IFNLR1: variants seen among roughly 807,000 people sequenced by gnomAD.
IFNLR1 encodes interferon lambda receptor 1.
IFNLR1 carries 28 observed loss-of-function variants against 52.5 expected under a neutral mutation model. The ratio of observed to expected loss-of-function variants is 0.53; its 90% CI spans 0.40 to 0.73. The LOEUF (loss-of-function observed/expected upper bound fraction) is 0.73. Ranked by LOEUF, IFNLR1 falls within the 30% of genes least tolerant of loss-of-function variation. The pLI, the probability that IFNLR1 is intolerant of heterozygous loss-of-function variation, is 0.00. For synonymous variants in IFNLR1, 276 were observed against 274.9 expected, an observed-to-expected ratio of 1.00 and a Z score of -0.04; for missense variants, 623 against 659.1, an observed-to-expected ratio of 0.95 and a Z score of 0.60.
At chr1:24,161,992 C>T (rs562397495) in intron 3 of IFNLR1, among the ~76,000 whole-genome samples, 1 of 152,336 alleles carries the variant, frequency 6.6e-6, no homozygotes, top group South Asian at 2.1e-4. Context: ...TGTCACTGGC[C>T]TGGCAGATCC....
chr1:24,161,531 G>C lies in IFNLR1; in HGVS notation c.510+11C>G. 1 of 1,554,528 alleles carries C rather than the reference G, an allele frequency of 6.4e-7. No individual in the cohort carries two copies. Among genetic ancestry groups the C allele is most frequent in the South Asian group, 1.2e-5 (1 of 84,264 alleles). On this transcript the variant is annotated intron_variant, in intron 4 of 6. Transcript: ENST00000327535. Reference sequence around the variant, plus strand: ...CGGGCCTAGCCTGGGGGCAGGAAAGGAGCTTCCCACCTTGTTTCCGGCCCC... The same window carrying C: ...CGGGCCTAGCCTGGGGGCAGGAAAGCAGCTTCCCACCTTGTTTCCGGCCCC...
intron 3 of IFNLR1, among the ~76,000 whole-genome samples, chr1:24,167,796 G>T (rs1224188074): frequency 6.6e-6 from 1 of 152,108 alleles, no homozygotes; most frequent in Non-Finnish European, 1.5e-5. Context: ...CTGGGTTCAC[G>T]CCATCCTCCT....
rs771431074 is a variant in IFNLR1, at chr1:24,157,596, T to G, written c.1097A>C (p.Asp366Ala). 1 of 1,610,764 alleles carries G rather than the reference T, an allele frequency of 6.2e-7. No individual in the cohort carries two copies. The highest frequency in any genetic ancestry group is 8.5e-7 in the Non-Finnish European group (1 of 1,178,620). ...CAGAGGAGCCCTGGGCCTCCCTGAG[T>G]CCACCCCACCAGCCTCCGAGTGCCC... Reference protein sequence around the residue: ...APGHSEAGGVDSGRPRAPLVP... With the variant: ...APGHSEAGGVASGRPRAPLVP... The change falls in exon 7 of 7, where the codon GAC becomes GCC. Residue 366 changes from aspartate (D) to alanine (A), a missense_variant. Physicochemically the swap from Asp to Ala is moderately radical, Grantham distance 126 (BLOSUM62 -2). Transcript: ENST00000327535. This position sits in a 1 kb window ranked among gnomAD's most constrained non-coding sequence, Gnocchi z 5.1.
intron 1 of IFNLR1, among the ~76,000 whole-genome samples, chr1:24,183,629 C>G (rs764010177): frequency 6.6e-6 from 1 of 152,196 alleles, no homozygotes; most frequent in Non-Finnish European, 1.5e-5. Context: ...CCATTCTCCA[C>G]ATAGCAGGAA....
chr1:24,182,530 T>C (rs1338563058), intron 1 of IFNLR1, among the ~76,000 whole-genome samples: 1 of 152,218 alleles, frequency 6.6e-6, no homozygotes, highest in African/African-American at 2.4e-5. Context: ...CTGATGTAAT[T>C]AATGGACTAT....
chr1:24,157,862 T>A lies in IFNLR1; in HGVS notation c.831A>T (p.Ala277=), dbSNP rs774798920. ...LDFSGHTHPV[A]TFQPSRPESV... is the part of the protein sequence containing the mutation. Reference sequence around the variant, plus strand: ...ACTCTGGTCTGCTGGGCTGAAAGGTTGCCACAGGGTGTGTGTGTCCAGAAA... The same window carrying A: ...ACTCTGGTCTGCTGGGCTGAAAGGTAGCCACAGGGTGTGTGTGTCCAGAAA... Residue 277 remains alanine (A), a synonymous_variant, in exon 7 of 7, where the codon GCA becomes GCT. Transcript: ENST00000327535. This position sits in a 1 kb window ranked among gnomAD's most constrained non-coding sequence, Gnocchi z 5.1. The A allele has an allele frequency of 6.2e-7, 1 of 1,605,404 alleles. No homozygotes were observed. The highest frequency in any genetic ancestry group is 1.1e-5 in the South Asian group (1 of 89,706).
In IFNLR1 at chr1:24,180,915, C is replaced by A; in HGVS notation, c.59-61G>T. ...CCTGGCTGGTCTTGACTCAGGCCATCCCAAGCTGAGGGGCAGCACGAAGGG... is the reference window on the plus strand; with the variant it reads ...CCTGGCTGGTCTTGACTCAGGCCATACCAAGCTGAGGGGCAGCACGAAGGG... On this transcript the variant is annotated intron_variant, in intron 1 of 6. Coordinates refer to ENST00000327535, the MANE Select transcript of IFNLR1 (RefSeq NM_170743.4). The A allele has an allele frequency of 2.5e-6, 4 of 1,571,696 alleles. No homozygotes were observed. The South Asian group carries it at 4.6e-5, about 18-fold the overall frequency.
At chr1:24,174,704 G>T (rs1644614938) in intron 2 of IFNLR1, among the ~76,000 whole-genome samples, 1 of 152,120 alleles carries the variant, frequency 6.6e-6, no homozygotes, top group Admixed American at 6.5e-5. Context: ...ACATAAACTT[G>T]GATGCTTAGC....
chr1:24,185,515 C>T (rs1644728801), intron 1 of IFNLR1, among the ~76,000 whole-genome samples: 1 of 152,210 alleles, frequency 6.6e-6, no homozygotes, highest in African/African-American at 2.4e-5. Flanking sequence ...GAGGGAGGGT[C>T]CAGTTCTGTG....
intron 1 of IFNLR1, among the ~76,000 whole-genome samples, chr1:24,186,390 C>T (rs1232668555): frequency 6.6e-6 from 1 of 151,984 alleles, no homozygotes; most frequent in African/African-American, 2.4e-5. Context: ...TATCTACCTC[C>T]GAGGATGGCT....
At chr1:24,161,819 A>T in intron 3 of IFNLR1, 135 bp from the exon 4 acceptor site, 1 of 813,150 alleles carries the variant, frequency 1.2e-6, no homozygotes, top group Non-Finnish European at 1.8e-6. Context: ...CTAGCACCTT[A>T]TAATCTGTTA....
intron 1 of IFNLR1, among the ~76,000 whole-genome samples, chr1:24,183,805 C>T (rs1644712930): frequency 6.6e-6 from 1 of 152,234 alleles, no homozygotes; most frequent in South Asian, 2.1e-4. Context: ...TCTCAGCTCA[C>T]TGCAACCTCC....
At chr1:24,165,803 T>C (rs1047010348) in intron 3 of IFNLR1, among the ~76,000 whole-genome samples, 14 of 152,154 alleles carry the variant, frequency 9.2e-5, no homozygotes, top group African/African-American at 3.1e-4. Context: ...GGTATCAAGC[T>C]TCAGGAAGGG....
intron 6 of IFNLR1, among the ~76,000 whole-genome samples, chr1:24,158,773 C>A (rs1341508119): frequency 5.3e-5 from 8 of 152,186 alleles, no homozygotes; most frequent in Admixed American, 3.3e-4. Context: ...AGGTCCAAGG[C>A]CAGGGGCTCT....
chr1:24,159,917 T>A (rs12745596), intron 4 of IFNLR1, among the ~76,000 whole-genome samples: 5 of 152,046 alleles, frequency 3.3e-5, no homozygotes, highest in African/African-American at 1.2e-4. Flanking sequence ...GGTAATTTTT[T>A]AAAATTATTT....
intron 2 of IFNLR1, among the ~76,000 whole-genome samples, chr1:24,178,438 C>T (rs1447093744): frequency 6.6e-6 from 1 of 152,140 alleles, no homozygotes; most frequent in East Asian, 1.9e-4. Flanking sequence ...GGAGAAATGG[C>T]TGACTGCAGG....
chr1:24,157,075 T>A lies in IFNLR1; in HGVS notation c.*55A>T. ...CTCTTGAGTTTCTTGGGAAGCCCAG[T>A]AGTCCTTGCAAAGGCAGCAGCAGCA... On this transcript the variant is annotated 3_prime_UTR_variant, in exon 7 of 7. Transcript: ENST00000327535. This position sits in a 1 kb window ranked among gnomAD's most constrained non-coding sequence, Gnocchi z 5.1. 1 of 1,550,024 alleles carries A rather than the reference T, an allele frequency of 6.5e-7. No individual in the cohort carries two copies. Among genetic ancestry groups the A allele is most frequent in the Non-Finnish European group, 8.7e-7 (1 of 1,148,900 alleles).
intron 2 of IFNLR1, among the ~76,000 whole-genome samples, chr1:24,172,819 G>T (rs1263167932): frequency 1.3e-5 from 2 of 152,178 alleles, no homozygotes; most frequent in South Asian, 2.1e-4. Context: ...GGCATCAGCA[G>T]GTTTGGTTTC....
intron 2 of IFNLR1, among the ~76,000 whole-genome samples, chr1:24,178,163 T>C (rs942286307): frequency 6.6e-6 from 1 of 151,876 alleles, no homozygotes; most frequent in Non-Finnish European, 1.5e-5. Context: ...TGGGCGCCTG[T>C]AATCCCAACT....
Sources: allele counts gnomAD v4.1 joint callset (sites outside exome capture counted in the v4.1 genomes callset), GRCh38; gene constraint gnomAD v4.1.1; non-coding constraint Gnocchi (gnomAD v3.1); transcripts MANE v1.5; gene names NCBI Gene and HGNC (gene_info 2026-07-23, HGNC 2026-07-21).